CRIM1: variants seen among roughly 807,000 people sequenced by gnomAD.
The protein encoded by CRIM1 is cysteine rich transmembrane BMP regulator 1.
Under a neutral mutation model 116.4 loss-of-function variants are expected in CRIM1, and 32 were observed. The observed-to-expected ratio is 0.27, with a 90% CI of 0.21 to 0.37. The LOEUF (loss-of-function observed/expected upper bound fraction) is 0.37. Among genes scored for constraint, CRIM1 ranks in the 10% least tolerant of loss-of-function variants. The probability of loss-of-function intolerance (pLI) is 1.00; values close to 1 mark genes in which losing one functional copy is unlikely to be tolerated. For synonymous variants in CRIM1, 590 were observed against 509.2 expected, an observed-to-expected ratio of 1.16 and a Z score of -2.13; for missense variants, 1,331 against 1,354.8, an observed-to-expected ratio of 0.98 and a Z score of 0.28.
intron 2 of CRIM1, among the ~76,000 whole-genome samples, chr2:36,404,235 T>C (rs532238015): frequency 9.9e-5 from 15 of 152,180 alleles, no homozygotes; most frequent in Non-Finnish European, 2.1e-4. Flanking sequence ...ATGTATAAAA[T>C]GGAATACATT....
rs1057494452 is a variant in CRIM1, at chr2:36,356,362, C to A, written c.70C>A (p.Leu24Met). ...GHLLVSLLGL[L>M]LLLARSGTRA... is the part of the protein sequence containing the mutation. ...CCTCCTGGTCTCGCTGCTGGGGCTG[C>A]TGCTGCTGCTGGCGCGCTCCGGCAC... The change falls in exon 1 of 17, where the codon CTG (leucine) becomes ATG (methionine). Residue 24 changes from leucine to methionine, a missense_variant. Physicochemically the swap from Leu to Met is conservative, Grantham distance 15 (BLOSUM62 2). Coordinates refer to ENST00000280527, the MANE Select transcript of CRIM1 (RefSeq NM_016441.3). This position sits in a 1 kb window ranked among gnomAD's most constrained non-coding sequence, Gnocchi z 4.3. The A allele has an allele frequency of 6.3e-7, 1 of 1,594,124 alleles. No individual in the cohort carries two copies. Among genetic ancestry groups the A allele is most frequent in the Middle Eastern group, 2.1e-4 (1 of 4,654 alleles).
intron 1 of CRIM1, among the ~76,000 whole-genome samples, chr2:36,372,421 A>G (rs574059095): frequency 2.8e-4 from 42 of 152,240 alleles, no homozygotes; most frequent in Admixed American, 4.6e-4. Context: ...TTGTTTTTCT[A>G]AAGGTTTTAA....
intron 2 of CRIM1, among the ~76,000 whole-genome samples, chr2:36,418,731 GCT>G (rs1406120437): frequency 6.6e-6 from 1 of 151,922 alleles, no homozygotes; most frequent in East Asian, 2.0e-4. Context: ...ATAGATCACC[GCT>G]CTGTTGGCAG....
At chr2:36,373,282 C>G (rs758136635) in intron 1 of CRIM1, among the ~76,000 whole-genome samples, 2 of 152,146 alleles carry the variant, frequency 1.3e-5, no homozygotes, top group Non-Finnish European at 2.9e-5. Context: ...GGGAAACACT[C>G]TTGAAGGAGG....
At chr2:36,484,770 G>A (rs2125057149) in intron 7 of CRIM1, among the ~76,000 whole-genome samples, 1 of 152,302 alleles carries the variant, frequency 6.6e-6, no homozygotes, top group South Asian at 2.1e-4. Context: ...GCCAACACCA[G>A]AGTATCACTT....
intron 5 of CRIM1, among the ~76,000 whole-genome samples, chr2:36,467,945 A>G (rs1317897231): frequency 1.3e-5 from 2 of 152,264 alleles, no homozygotes; most frequent in Non-Finnish European, 2.9e-5. Flanking sequence ...AATTGCGTTA[A>G]CACCACAAAT....
Position 36,499,281 on chromosome 2 carries a change from G to A in CRIM1, c.1435G>A (p.Gly479Arg), listed in dbSNP as rs767029091. The change falls in exon 8 of 17, where the codon GGG (glycine) becomes AGG (arginine). Residue 479 changes from glycine (G) to arginine (R), a missense_variant. This residue lies in a region of CRIM1 where 690 missense variants were observed against 676.0 expected (regional missense o/e 1.02). Transcript: ENST00000280527. ...CGELSNCTLT[G>R]KDCINGFKRD... is the part of the protein sequence containing the mutation. ...GGAGTTATCAAACTGCACTCTGACAGGGAAGGACTGCATTAATGGTTTCAA... is the reference window on the plus strand; with the variant it reads ...GGAGTTATCAAACTGCACTCTGACAAGGAAGGACTGCATTAATGGTTTCAA... 2 of 1,613,756 alleles carry A rather than the reference G, an allele frequency of 1.2e-6. No homozygotes were observed. The highest frequency in any genetic ancestry group is 1.1e-5 in the South Asian group (1 of 91,064).
chr2:36,507,773 G>A (rs976019093), intron 8 of CRIM1, among the ~76,000 whole-genome samples: 2 of 152,214 alleles, frequency 1.3e-5, no homozygotes, highest in East Asian at 1.9e-4. Context: ...AGACACAACA[G>A]TTTTCTTTAA....
chr2:36,433,960 C>T (rs531149843), intron 2 of CRIM1, among the ~76,000 whole-genome samples: 2 of 151,968 alleles, frequency 1.3e-5, no homozygotes, highest in Non-Finnish European at 2.9e-5. Flanking sequence ...TGTTTCTGAA[C>T]GAGCTTGAAA....
At chr2:36,522,813 A>AAAG (rs1323325612) in intron 13 of CRIM1, among the ~76,000 whole-genome samples, 6 of 142,622 alleles carry the variant, frequency 4.2e-5, no homozygotes, top group African/African-American at 1.3e-4. Context: ...AAAAAAAAAA[A>AAAG]AAGAAGAAGA....
At chr2:36,451,170 G>GT (rs1320304239) in intron 4 of CRIM1, among the ~76,000 whole-genome samples, 1 of 152,212 alleles carries the variant, frequency 6.6e-6, no homozygotes, top group Non-Finnish European at 1.5e-5. Flanking sequence ...TGGGCTTGGT[G>GT]TGGGGTATAG....
intron 7 of CRIM1, among the ~76,000 whole-genome samples, chr2:36,492,836 C>A (rs997907699): frequency 1.5e-4 from 23 of 152,134 alleles, no homozygotes; most frequent in African/African-American, 5.5e-4. Flanking sequence ...ACGTTCAGCC[C>A]CCTCCAACCC....
intron 1 of CRIM1, among the ~76,000 whole-genome samples, chr2:36,381,108 C>T (rs1670722291): frequency 6.6e-6 from 1 of 152,216 alleles, no homozygotes; most frequent in African/African-American, 2.4e-5. Context: ...CCTTCTTGCC[C>T]CCGCCCCTAC....
intron 7 of CRIM1, 30 bp from the exon 8 acceptor site, chr2:36,499,163 CATCTAAAAGGTAATCATATGTTTCAT>C: frequency 7.4e-7 from 1 of 1,358,296 alleles, no homozygotes; most frequent in Non-Finnish European, 1.0e-6. Flanking sequence ...AATTGAATAG[CATCTAAAAGGTAATCATATGTTTCAT>C]TGGTTATTTT....
chr2:36,471,000 C>T (rs1402914802), intron 5 of CRIM1, among the ~76,000 whole-genome samples: 5 of 152,102 alleles, frequency 3.3e-5, no homozygotes, highest in Non-Finnish European at 7.4e-5. Context: ...GAGCTGAAGA[C>T]CTCAGTGGAA....
chr2:36,410,759 T>C (rs1024119860), intron 2 of CRIM1, among the ~76,000 whole-genome samples: 4 of 152,180 alleles, frequency 2.6e-5, no homozygotes, highest in Non-Finnish European at 5.9e-5. Flanking sequence ...AAGTCCAATC[T>C]GCCTCACAGA....
At chr2:36,548,350 C>A (rs1017424018) in intron 16 of CRIM1, among the ~76,000 whole-genome samples, 175 bp from the exon 17 acceptor site, 1 of 149,878 alleles carries the variant, frequency 6.7e-6, no homozygotes, top group African/African-American at 2.5e-5. Flanking sequence ...TTGTCAGTGT[C>A]CCTCATAAAA....
intron 1 of CRIM1, among the ~76,000 whole-genome samples, chr2:36,360,419 T>C (rs968950782): frequency 1.3e-5 from 2 of 152,232 alleles, no homozygotes; most frequent in Non-Finnish European, 2.9e-5. Context: ...TAGCATTCCA[T>C]CTTTTTCACC....
chr2:36,386,208 C>T (rs1336362520), intron 1 of CRIM1, among the ~76,000 whole-genome samples: 1 of 152,140 alleles, frequency 6.6e-6, no homozygotes, highest in Non-Finnish European at 1.5e-5. Flanking sequence ...AAGTCACATT[C>T]TGGCAAGAAG....
Sources: gnomAD v4.1 joint callset for allele counts (sites outside exome capture counted in the v4.1 genomes callset) on GRCh38, gnomAD v4.1.1 for gene constraint, gnomAD v4.1.1 regional missense constraint, Gnocchi (gnomAD v3.1) non-coding constraint, MANE v1.5 for transcripts, NCBI Gene and HGNC (gene_info 2026-07-23, HGNC 2026-07-21) for gene names.